The following RBFOX3 variants were observed in gnomAD, a reference collection of about 807,000 sequenced individuals.
The protein encoded by RBFOX3 is RNA binding protein fox-1 homolog 3.
In RBFOX3, 17 loss-of-function variants were observed where a neutral mutation model predicts 48.7. The observed-to-expected ratio is 0.35, with a 90% CI of 0.24 to 0.52. The LOEUF (loss-of-function observed/expected upper bound fraction) is 0.52. RBFOX3 is among the 20% of genes least tolerant of loss of function. The pLI, the probability that RBFOX3 is intolerant of heterozygous loss-of-function variation, is 0.94. For synonymous variants in RBFOX3, 212 were observed against 209.5 expected (o/e 1.01, Z -0.10); for missense variants, 382 against 497.5 (o/e 0.77, Z 2.21).
intron 1 of RBFOX3, among the ~76,000 whole-genome samples, chr17:79,592,814 C>CAAAT (rs1376956201): frequency 2.0e-5 from 3 of 152,176 alleles, no homozygotes; most frequent in Non-Finnish European, 4.4e-5. Flanking sequence ...GCAGTCCTGG[C>CAAAT]GCATCCCAAA....
intron 2 of RBFOX3, among the ~76,000 whole-genome samples, chr17:79,441,442 G>C (rs986724064): frequency 6.6e-6 from 1 of 152,222 alleles, no homozygotes; most frequent in Non-Finnish European, 1.5e-5. Flanking sequence ...CAGAGAGACA[G>C]GAGACACAGA....
intron 1 of RBFOX3, chr17:79,600,041 C>G (rs1384290364): frequency 6.6e-6 from 1 of 152,182 alleles, no homozygotes; most frequent in African/African-American, 2.4e-5. Flanking sequence ...AAATAACACA[C>G]AGAACAAATG....
intron 3 of RBFOX3, among the ~76,000 whole-genome samples, chr17:79,236,627 C>T (rs1180922294): frequency 6.6e-6 from 1 of 152,112 alleles, no homozygotes; most frequent in African/African-American, 2.4e-5. Flanking sequence ...TAGAGGCAAT[C>T]GTTGTATGTT....
intron 4 of RBFOX3, among the ~76,000 whole-genome samples, chr17:79,139,714 A>C (rs2041517605): frequency 1.3e-5 from 2 of 152,130 alleles, no homozygotes; most frequent in Non-Finnish European, 2.9e-5. Flanking sequence ...CAACCGCGAA[A>C]AAGGAGATCC....
At chr17:79,163,003 G>A (rs572188000) in intron 4 of RBFOX3, among the ~76,000 whole-genome samples, 3 of 152,244 alleles carry the variant, frequency 2.0e-5, no homozygotes, top group Admixed American at 6.5e-5. Flanking sequence ...GTGCTCCTGA[G>A]CACAGACACG....
At chr17:79,514,823 G>A (rs1051286075) in intron 1 of RBFOX3, among the ~76,000 whole-genome samples, 5 of 152,196 alleles carry the variant, frequency 3.3e-5, no homozygotes, top group African/African-American at 7.2e-5. Context: ...GCATGTGAAC[G>A]TCCTCTGTGC....
At chr17:79,403,747 G>C (rs1452166020) in intron 2 of RBFOX3, among the ~76,000 whole-genome samples, 1 of 151,460 alleles carries the variant, frequency 6.6e-6, no homozygotes, top group African/African-American at 2.4e-5. Flanking sequence ...CGTCCTCTCA[G>C]GTTCCCCCAG....
At chr17:79,546,531 C>T (rs577384065) in intron 1 of RBFOX3, among the ~76,000 whole-genome samples, 15 of 142,380 alleles carry the variant, frequency 1.1e-4, no homozygotes, top group East Asian at 5.8e-4. Context: ...ATCCATCTGA[C>T]GGCTTCCCAA....
chr17:79,217,342 C>T (rs2059189578), intron 4 of RBFOX3, among the ~76,000 whole-genome samples: 1 of 152,180 alleles, frequency 6.6e-6, no homozygotes, highest in South Asian at 2.1e-4. Context: ...GGAGGCTGCA[C>T]AAGAGTGGGG....
chr17:79,622,275 A>C, the RBFOX3 span, among the ~76,000 whole-genome samples: 2 of 152,150 alleles, frequency 1.3e-5, no homozygotes, highest in African/African-American at 4.8e-5. Context: ...GGGGGGTGGC[A>C]GGACCGAGCC....
chr17:79,602,097 T>A (rs1399626604), intron 1 of RBFOX3: 3 of 152,236 alleles, frequency 2.0e-5, no homozygotes, highest in Non-Finnish European at 4.4e-5. Flanking sequence ...AAGAAAAATG[T>A]ACCCGCTGGA....
intron 2 of RBFOX3, among the ~76,000 whole-genome samples, chr17:79,313,782 G>C (rs764156021): frequency 6.6e-6 from 1 of 152,152 alleles, no homozygotes; most frequent in East Asian, 1.9e-4. Context: ...GCCTCGGGGT[G>C]GGGGGCCGCT....
chr17:79,162,881 C>T (rs1453585440), intron 4 of RBFOX3, among the ~76,000 whole-genome samples: 3 of 152,120 alleles, frequency 2.0e-5, no homozygotes, highest in Admixed American at 6.5e-5. Context: ...GCCAGTGGCA[C>T]GGCTTCTGAT....
chr17:79,148,715 C>T (rs1016707507), intron 4 of RBFOX3, among the ~76,000 whole-genome samples: 5 of 152,180 alleles, frequency 3.3e-5, no homozygotes, highest in Non-Finnish European at 5.9e-5. Flanking sequence ...GAGAGTTGGG[C>T]GACTCTATCC....
chr17:79,545,435 G>A (rs934466856), intron 1 of RBFOX3, among the ~76,000 whole-genome samples: 1 of 152,114 alleles, frequency 6.6e-6, no homozygotes, highest in African/African-American at 2.4e-5. Context: ...TCCCACCGGC[G>A]ACCACCCCAT....
the RBFOX3 span, among the ~76,000 whole-genome samples, chr17:79,650,521 G>A: frequency 5.3e-5 from 8 of 152,114 alleles, no homozygotes; most frequent in Non-Finnish European, 7.4e-5. Flanking sequence ...CCACTGAGGC[G>A]CATTTCCACT....
chr17:79,093,835 G>A (rs923015508), intron 14 of RBFOX3, among the ~76,000 whole-genome samples: 18 of 137,626 alleles, frequency 1.3e-4, no homozygotes, highest in South Asian at 2.3e-4. Flanking sequence ...ACAGAGACAC[G>A]CCACGCCGCG....
intron 1 of RBFOX3, among the ~76,000 whole-genome samples, chr17:79,580,136 T>G (rs2093006173): frequency 6.6e-6 from 1 of 151,894 alleles, no homozygotes; most frequent in Non-Finnish European, 1.5e-5. Flanking sequence ...TGAGTGCCCC[T>G]TGGGCTTCTG....
intron 8 of RBFOX3, 91 bp from the exon 9 acceptor site, chr17:79,101,735 C>T: frequency 9.1e-7 from 1 of 1,100,910 alleles, no homozygotes; most frequent in Non-Finnish European, 1.4e-6. Context: ...CTCCGTTAGC[C>T]CCCGGCACCC....
Sources: gnomAD v4.1 joint callset for allele counts (sites outside exome capture counted in the v4.1 genomes callset) on GRCh38, gnomAD v4.1.1 for gene constraint, MANE v1.5 for transcripts, NCBI Gene and HGNC (gene_info 2026-07-23, HGNC 2026-07-21) for gene names.